Variants in PALS2 observed in about 807,000 individuals in gnomAD.
PALS2 encodes protein PALS2.
Under a neutral mutation model 61.6 loss-of-function variants are expected in PALS2, and 27 were observed. The observed-to-expected ratio is 0.44, with a 90% CI of 0.32 to 0.60. PALS2 has a LOEUF of 0.60. Among genes scored for constraint, PALS2 ranks in the 20% least tolerant of loss-of-function variants. PALS2 has a pLI of 0.05. For missense variants in PALS2, 554 were observed against 639.4 expected, an observed-to-expected ratio of 0.87 and a Z score of 1.44; for synonymous variants, 236 against 218.6, an observed-to-expected ratio of 1.08 and a Z score of -0.70.
chr7:24,645,600 G>A (rs767753314), intron 3 of PALS2, among the ~76,000 whole-genome samples: 13 of 152,010 alleles, frequency 8.6e-5, no homozygotes, highest in Non-Finnish European at 1.3e-4. Context: ...GGCTATTCGG[G>A]CCCTTTTTTG....
chr7:24,599,436 CTT>C (rs1337612052), intron 1 of PALS2, among the ~76,000 whole-genome samples: 1 of 150,978 alleles, frequency 6.6e-6, no homozygotes, highest in Non-Finnish European at 1.5e-5. Context: ...TGTAATAACA[CTT>C]AGCTTAAAAT....
intron 1 of PALS2, among the ~76,000 whole-genome samples, chr7:24,600,605 A>T (rs1783685553): frequency 6.6e-6 from 1 of 152,086 alleles, no homozygotes; most frequent in South Asian, 2.1e-4. Context: ...CATGGCAGTA[A>T]GTAGAAGCAG....
At position 24,597,997 on chromosome 7, in the gene PALS2, C is replaced by T. The variant is rs534658018; in HGVS notation, c.-3+24404C>T. ...TGGGGATAAGAATAGGAAGGAAGGC[C>T]CTGGAATGGAGAAAAGAGCTGTGGA... On this transcript the variant is annotated intron_variant, in intron 1 of 11. Transcript: ENST00000222644. 1.6e-4 allele frequency among the ~76,000 whole-genome samples: 25 copies of T among 151,978 alleles called. 1 individual carries two copies. In the South Asian group the frequency reaches 5.2e-3, roughly 32 times the overall value.
intron 1 of PALS2, among the ~76,000 whole-genome samples, chr7:24,602,025 C>T (rs1463201141): frequency 1.3e-5 from 2 of 151,992 alleles, no homozygotes; most frequent in African/African-American, 4.8e-5. Flanking sequence ...TTTTGTCTCT[C>T]CTTTCTTTCC....
rs1245320154 is a variant in PALS2, at chr7:24,690,083, TA to T, written c.*2471del. ...TGGTATTCATGATTGACTACTTAATTAATGCACATTAGATTTCTCCTAATAT... is the reference window on the plus strand; with the variant it reads ...TGGTATTCATGATTGACTACTTAATTATGCACATTAGATTTCTCCTAATAT... On this transcript the variant is annotated 3_prime_UTR_variant, in exon 12 of 12. Transcript: ENST00000222644. The T allele has an allele frequency of 6.6e-6, 1 of 152,218 alleles. No homozygotes were observed. The highest frequency in any genetic ancestry group is 1.5e-5 in the Non-Finnish European group (1 of 68,038). The allele number at this position is 152,218 out of a possible 1,614,324, so 9.4% of individuals were successfully genotyped here.
intron 11 of PALS2, among the ~76,000 whole-genome samples, chr7:24,686,362 G>T (rs931070938): frequency 1.3e-5 from 2 of 152,054 alleles, no homozygotes; most frequent in Admixed American, 6.5e-5. Flanking sequence ...TTTCCATCTC[G>T]TAGGGGTCCT....
chr7:24,675,276 T>A (rs1243664136), intron 9 of PALS2, among the ~76,000 whole-genome samples: 1 of 152,180 alleles, frequency 6.6e-6, no homozygotes, highest in Non-Finnish European at 1.5e-5. Context: ...AAAACATTAA[T>A]TTTTAAAATT....
intron 1 of PALS2, among the ~76,000 whole-genome samples, chr7:24,582,834 A>G (rs997771058): frequency 1.3e-5 from 2 of 151,606 alleles, no homozygotes; most frequent in Non-Finnish European, 2.9e-5. Context: ...ATAATTGAGT[A>G]AAGAAGTTTA....
chr7:24,629,582 C>T lies in PALS2; in HGVS notation c.117+5798C>T, dbSNP rs372593390. Reference sequence around the variant, plus strand: ...TGGGAGAAAAATTTTGCAAGCTATCCGTCTGACAAAGGGCTAATATCCAGA... The same window carrying T: ...TGGGAGAAAAATTTTGCAAGCTATCTGTCTGACAAAGGGCTAATATCCAGA... On this transcript the variant is annotated intron_variant, in intron 2 of 11. Coordinates refer to ENST00000222644, the MANE Select transcript of PALS2 (RefSeq NM_001303037.2). Among the ~76,000 whole-genome samples, 31 of 152,130 alleles carry T rather than the reference C, an allele frequency of 2.0e-4. 1 individual carries two copies. The East Asian group carries it at 5.4e-3, about 27-fold the overall frequency.
chr7:24,682,898 A>G (rs553536562), intron 11 of PALS2, among the ~76,000 whole-genome samples: 52 of 152,262 alleles, frequency 3.4e-4, no homozygotes, highest in African/African-American at 1.3e-3. Flanking sequence ...TATTTCCTGT[A>G]AACTGATAGG....
chr7:24,640,356 A>G (rs1785460309), intron 2 of PALS2, among the ~76,000 whole-genome samples: 1 of 152,116 alleles, frequency 6.6e-6, no homozygotes, highest in African/African-American at 2.4e-5. Context: ...AAGCAAGAAA[A>G]ATTGTCTTTT....
At chr7:24,583,627 C>CTTT (rs777224415) in intron 1 of PALS2, among the ~76,000 whole-genome samples, 12 of 131,364 alleles carry the variant, frequency 9.1e-5, no homozygotes, top group African/African-American at 3.3e-4. Flanking sequence ...CAGATCCTTT[C>CTTT]TTTTTTTTTT....
chr7:24,581,819 A>T (rs1782857138), intron 1 of PALS2, among the ~76,000 whole-genome samples: 2 of 152,206 alleles, frequency 1.3e-5, no homozygotes, highest in Admixed American at 6.5e-5. Flanking sequence ...CTCTATTACG[A>T]GTAAAAGCCT....
intron 5 of PALS2, among the ~76,000 whole-genome samples, chr7:24,662,665 A>G (rs1363706522): frequency 6.7e-6 from 1 of 149,490 alleles, no homozygotes; most frequent in Non-Finnish European, 1.5e-5. Flanking sequence ...GCTATTTGGG[A>G]GGCTGAGGCA....
chr7:24,632,008 G>GT (rs1315425316), intron 2 of PALS2, among the ~76,000 whole-genome samples: 1 of 152,214 alleles, frequency 6.6e-6, no homozygotes, highest in Admixed American at 6.5e-5. Flanking sequence ...AGAACCTGCA[G>GT]TATCTCTGAG....
intron 1 of PALS2, among the ~76,000 whole-genome samples, chr7:24,592,088 T>C (rs921325961): frequency 6.6e-6 from 1 of 152,170 alleles, no homozygotes; most frequent in East Asian, 1.9e-4. Flanking sequence ...CAGCTGGGAC[T>C]GTGCAATGTT....
Position 24,680,428 on chromosome 7 carries a change from T to C in PALS2, c.1354T>C (p.Tyr452His), listed in dbSNP as rs1787858043. The C allele has an allele frequency of 6.2e-7, 1 of 1,613,430 alleles. No individual in the cohort carries two copies. The highest frequency in any genetic ancestry group is 1.7e-5 in the Admixed American group (1 of 59,996). ...KVLRTSEFMP[Y>H]VVFIAAPELE... ...ATTGAGGACATCAGAGTTTATGCCC[T>C]ATGTGGTATTTATTGCGGCTCCGGA... is the stretch of plus-strand genomic sequence containing the variant. Residue 452 changes from tyrosine to histidine, a missense_variant, in exon 11 of 12, where the codon TAT becomes CAT. Physicochemically the swap from Tyr to His is moderately conservative, Grantham distance 83. Transcript: ENST00000222644.
At chr7:24,649,175 A>G (rs1786007739) in intron 3 of PALS2, among the ~76,000 whole-genome samples, 1 of 152,104 alleles carries the variant, frequency 6.6e-6, no homozygotes, top group South Asian at 2.1e-4. Context: ...AAAGTATATC[A>G]TATTACTAAC....
At chr7:24,654,313 C>G (rs780996335) in intron 5 of PALS2, among the ~76,000 whole-genome samples, 1 of 151,354 alleles carries the variant, frequency 6.6e-6, no homozygotes, top group Non-Finnish European at 1.5e-5. Context: ...ATAAATTATA[C>G]AAGCAAAATG....
Sources: gnomAD v4.1 joint callset for allele counts (sites outside exome capture counted in the v4.1 genomes callset) on GRCh38, gnomAD v4.1.1 for gene constraint, MANE v1.5 for transcripts, NCBI Gene and HGNC (gene_info 2026-07-23, HGNC 2026-07-21) for gene names.